The following KCNQ1 variants were observed in gnomAD, a reference collection of about 807,000 sequenced individuals.
KCNQ1 encodes the protein potassium voltage-gated channel subfamily KQT member 1.
In KCNQ1, 49 loss-of-function variants were observed where a neutral mutation model predicts 72.4. The ratio of observed to expected loss-of-function variants is 0.68; its 90% CI spans 0.54 to 0.86. The LOEUF is 0.86. Among genes scored for constraint, KCNQ1 ranks in the 40% least tolerant of loss-of-function variants. The pLI, the probability that KCNQ1 is intolerant of heterozygous loss-of-function variation, is 0.00. For missense variants in KCNQ1, 790 were observed against 945.1 expected, an observed-to-expected ratio of 0.84 and a Z score of 2.15; for synonymous variants, 450 against 412.6, an observed-to-expected ratio of 1.09 and a Z score of -1.10.
chr11:2,676,256 A>T lies in KCNQ1; in HGVS notation c.1514+14175A>T. ...TTATGGTGCAGTACATCTGAGAAGC[A>T]TTTTTATTGCAAAATGTGTGTTTAC... On this transcript the variant is annotated intron_variant, in intron 11 of 15. Coordinates refer to ENST00000155840, the MANE Select transcript of KCNQ1 (RefSeq NM_000218.3). This position sits in a 1 kb window ranked among gnomAD's most constrained non-coding sequence, Gnocchi z 4.2. 1 of 398,660 alleles carries T rather than the reference A, an allele frequency of 2.5e-6. No individual in the cohort carries two copies. Among genetic ancestry groups the T allele is most frequent in the South Asian group, 1.3e-4 (1 of 7,866 alleles). 24.7% of individuals were successfully genotyped at this position (398,660 alleles called of 1,614,324 possible).
chr11:2,483,287 G>A lies in KCNQ1; in HGVS notation c.386+37803G>A, dbSNP rs899271171. Reference sequence around the variant, plus strand: ...TGAGGGACAACATCAGTCCTCTCTTGGCTTCTGTACTTTAAAAAAATCATT... The same window carrying A: ...TGAGGGACAACATCAGTCCTCTCTTAGCTTCTGTACTTTAAAAAAATCATT... On this transcript the variant is annotated intron_variant, in intron 1 of 15. Transcript: ENST00000155840. The surrounding 1 kb of genome is among the most constrained non-coding windows in gnomAD (Gnocchi z 6.1). Among the ~76,000 whole-genome samples the A allele has an allele frequency of 6.6e-6, 1 of 152,146 alleles. No individual in the cohort carries two copies. The highest frequency in any genetic ancestry group is 2.4e-5 in the African/African-American group (1 of 41,422).
chr11:2,556,474 G>A (rs776118970), intron 2 of KCNQ1, among the ~76,000 whole-genome samples: 6 of 152,084 alleles, frequency 3.9e-5, no homozygotes, highest in Non-Finnish European at 7.3e-5. Flanking sequence ...ATTAGCACAC[G>A]GCCACGTGTG....
rs573691910 is a variant in KCNQ1, at chr11:2,550,914, G to A, written c.478-19714G>A. On this transcript the variant is annotated intron_variant, in intron 2 of 15. Transcript: ENST00000155840. This position sits in a 1 kb window ranked among gnomAD's most constrained non-coding sequence, Gnocchi z 6.0. ...GCACAGACTGAGACAGGGTCCCCGTGTTCCATCCATGGGGTACAGCTGCTC... is the reference window on the plus strand; with the variant it reads ...GCACAGACTGAGACAGGGTCCCCGTATTCCATCCATGGGGTACAGCTGCTC... Among the ~76,000 whole-genome samples, 19 of 152,186 alleles carry A rather than the reference G, an allele frequency of 1.2e-4. No homozygotes were observed. Among genetic ancestry groups the A allele is most frequent in the African/African-American group, 4.3e-4 (18 of 41,520 alleles).
At position 2,782,188 on chromosome 11, in the gene KCNQ1, TCC is replaced by T. The variant is rs2133997755; in HGVS notation, c.1794+4153_1794+4154del. ...AGCCGCCGTGCTGCTGTTCATCCTC[TCC>T]CTTTAGCCCAACCCCTGCTGAGTTC... On this transcript the variant is annotated intron_variant, in intron 15 of 15. Transcript: ENST00000155840. This position sits in a 1 kb window ranked among gnomAD's most constrained non-coding sequence, Gnocchi z 6.1. Among the ~76,000 whole-genome samples the T allele has an allele frequency of 6.6e-6, 1 of 152,220 alleles. No homozygotes were observed. The highest frequency in any genetic ancestry group is 1.9e-4 in the East Asian group (1 of 5,178).
intron 2 of KCNQ1, among the ~76,000 whole-genome samples, chr11:2,558,982 A>G (rs2283168): frequency 0.39 from 58,535 of 151,876 alleles, 13,963 homozygotes; most frequent in African/African-American, 0.68. Flanking sequence ...TGCCTTGAGC[A>G]CCTCCTGCTC....
rs1213580917 is a variant in KCNQ1, at chr11:2,536,111, G to T, written c.477+8093G>T. Among the ~76,000 whole-genome samples, 1 of 152,222 alleles carries T rather than the reference G, an allele frequency of 6.6e-6. No individual in the cohort carries two copies. Among genetic ancestry groups the T allele is most frequent in the African/African-American group, 2.4e-5 (1 of 41,468 alleles). The stretch of plus-strand genomic sequence containing the variant: ...CCACCCAGCCCCATGCACAGGCCAC[G>T]CGGCGACAGGGGCTGCTGAAGGAAG... On this transcript the variant is annotated intron_variant, in intron 2 of 15. Coordinates refer to ENST00000155840, the MANE Select transcript of KCNQ1 (RefSeq NM_000218.3). This position sits in a 1 kb window ranked among gnomAD's most constrained non-coding sequence, Gnocchi z 7.4.
At chr11:2,648,475 T>C (rs1260300738) in intron 10 of KCNQ1, 3 of 398,402 alleles carry the variant, frequency 7.5e-6, no homozygotes, top group East Asian at 3.6e-5. Context: ...TGTGTTTCTA[T>C]TTTCATTTGT....
At chr11:2,789,326 G>C (rs1431931677) in intron 15 of KCNQ1, among the ~76,000 whole-genome samples, 2 of 152,208 alleles carry the variant, frequency 1.3e-5, no homozygotes, top group African/African-American at 4.8e-5. Flanking sequence ...CACTGCCTGT[G>C]AAAACTAGAA....
At chr11:2,555,520 G>C (rs973412598) in intron 2 of KCNQ1, among the ~76,000 whole-genome samples, 14 of 152,248 alleles carry the variant, frequency 9.2e-5, no homozygotes, top group African/African-American at 3.1e-4. Context: ...CCAGGCGTGG[G>C]CGTCTCCGGG....
rs932680799 is a variant in KCNQ1 at position 2,458,464 on chromosome 11, G to T, written c.386+12980G>T. Among the ~76,000 whole-genome samples the T allele has an allele frequency of 4.6e-5, 7 of 152,186 alleles. No homozygotes were observed. Among genetic ancestry groups the T allele is most frequent in the African/African-American group, 1.7e-4 (7 of 41,434 alleles). ...GCTGATGGGGTTGCGTCCTTCTTTG[G>T]GACTCCCGCAGATGCCTGAGGCGGC... On this transcript the variant is annotated intron_variant, in intron 1 of 15. Coordinates refer to ENST00000155840, the MANE Select transcript of KCNQ1 (RefSeq NM_000218.3). This position sits in a 1 kb window ranked among gnomAD's most constrained non-coding sequence, Gnocchi z 4.6.
intron 15 of KCNQ1, among the ~76,000 whole-genome samples, chr11:2,780,898 C>T (rs750861933): frequency 4.6e-5 from 7 of 152,148 alleles, no homozygotes; most frequent in Non-Finnish European, 1.0e-4. Context: ...AGTGTCTGCT[C>T]CAACACAGAC....
At chr11:2,648,197 C>A (rs564466058) in intron 10 of KCNQ1, 1 of 118,222 alleles carries the variant, frequency 8.5e-6, no homozygotes, top group South Asian at 3.1e-4. Context: ...AGAGTGAGAC[C>A]GTGTCTCGGG....
In KCNQ1 at chr11:2,468,474, C is replaced by G. The variant is rs1017072780; in HGVS notation, c.386+22990C>G. On this transcript the variant is annotated intron_variant, in intron 1 of 15. Coordinates refer to ENST00000155840, the MANE Select transcript of KCNQ1 (RefSeq NM_000218.3). This position sits in a 1 kb window ranked among gnomAD's most constrained non-coding sequence, Gnocchi z 5.7. ...GCTTTACGGAGGCGTGCTTGGCATA[C>G]GGTAAACTGCCCCAGTTTAAAGCAG... Among the ~76,000 whole-genome samples, 1 of 152,034 alleles carries G rather than the reference C, an allele frequency of 6.6e-6. No individual in the cohort carries two copies. The highest frequency in any genetic ancestry group is 1.5e-5 in the Non-Finnish European group (1 of 68,000).
At chr11:2,775,377 A>G (rs1477505482) in intron 12 of KCNQ1, among the ~76,000 whole-genome samples, 3 of 152,238 alleles carry the variant, frequency 2.0e-5, no homozygotes, top group African/African-American at 7.2e-5. Flanking sequence ...GAGCCCAAGC[A>G]GATGCTCGTC....
chr11:2,659,078 T>C lies in KCNQ1; in HGVS notation c.1394-2883T>C. 1 of 398,626 alleles carries C rather than the reference T, an allele frequency of 2.5e-6. No individual in the cohort carries two copies. The highest frequency in any genetic ancestry group is 4.4e-6 in the Non-Finnish European group (1 of 226,030). 24.7% of individuals were successfully genotyped at this position (398,626 alleles called of 1,614,324 possible). ...TGTAACACGCTCATCATAGTCTGCT[T>C]TTCATCGTAGGGTCCTCCAACATCC... On this transcript the variant is annotated intron_variant, in intron 10 of 15. Coordinates refer to ENST00000155840, the MANE Select transcript of KCNQ1 (RefSeq NM_000218.3). This position sits in a 1 kb window ranked among gnomAD's most constrained non-coding sequence, Gnocchi z 4.3.
At position 2,457,003 on chromosome 11, in the gene KCNQ1, C is replaced by T. The variant is rs577347257; in HGVS notation, c.386+11519C>T. 1.3e-5 allele frequency among the ~76,000 whole-genome samples: 2 copies of T among 148,748 alleles called. No individual in the cohort carries two copies. The highest frequency in any genetic ancestry group is 4.3e-4 in the South Asian group (2 of 4,678). On this transcript the variant is annotated intron_variant, in intron 1 of 15. Transcript: ENST00000155840. The surrounding 1 kb of genome is among the most constrained non-coding windows in gnomAD (Gnocchi z 5.0). ...AAAAGTGGGCAAAAGATATGGTAGA[C>T]AGTTCTTAAAAAGAAGACATACAAA...
intron 15 of KCNQ1, among the ~76,000 whole-genome samples, chr11:2,795,307 C>T (rs953584393): frequency 2.0e-5 from 3 of 152,260 alleles, no homozygotes; most frequent in Admixed American, 1.3e-4. Context: ...TGGGGCACTG[C>T]ACCCATGTCT....
At chr11:2,501,813 C>A (rs1353182034) in intron 1 of KCNQ1, among the ~76,000 whole-genome samples, 1 of 148,640 alleles carries the variant, frequency 6.7e-6, no homozygotes, top group Admixed American at 6.7e-5. Flanking sequence ...ACTAGCAAAG[C>A]AAATTCAGCA....
intron 15 of KCNQ1, among the ~76,000 whole-genome samples, chr11:2,805,876 C>T (rs529310624): frequency 6.6e-6 from 1 of 152,348 alleles, no homozygotes; most frequent in Non-Finnish European, 1.5e-5. Flanking sequence ...CCTCATAATC[C>T]TCCTTCCAGG....
Sources: allele counts gnomAD v4.1 joint callset (sites outside exome capture counted in the v4.1 genomes callset), GRCh38; gene constraint gnomAD v4.1.1; non-coding constraint Gnocchi (gnomAD v3.1); transcripts MANE v1.5; gene names NCBI Gene and HGNC (gene_info 2026-07-23, HGNC 2026-07-21).